The following SLC22A23 variants were observed in gnomAD, a reference collection of about 807,000 sequenced individuals.
The protein encoded by SLC22A23 is solute carrier family 22 member 23.
Under a neutral mutation model 61.0 loss-of-function variants are expected in SLC22A23, and 26 were observed. The observed-to-expected ratio is 0.43, with a 90% CI of 0.31 to 0.59. The LOEUF (loss-of-function observed/expected upper bound fraction) is 0.59, where lower values mean the gene tolerates loss of function less well. Ranked by LOEUF, SLC22A23 falls within the 20% of genes least tolerant of loss-of-function variation. The pLI, the probability that SLC22A23 is intolerant of heterozygous loss-of-function variation, is 0.11. For synonymous variants in SLC22A23, 430 were observed against 413.9 expected, an observed-to-expected ratio of 1.04 and a Z score of -0.47; for missense variants, 796 against 934.7, an observed-to-expected ratio of 0.85 and a Z score of 1.94.
intron 1 of SLC22A23, among the ~76,000 whole-genome samples, chr6:3,449,530 G>A (rs1772068707): frequency 6.6e-6 from 1 of 152,160 alleles, no homozygotes; most frequent in African/African-American, 2.4e-5. Flanking sequence ...ACTGTTCAAA[G>A]AACAGGAAAT....
chr6:3,407,291 G>T (rs1395004776), intron 3 of SLC22A23, among the ~76,000 whole-genome samples: 1 of 152,180 alleles, frequency 6.6e-6, no homozygotes, highest in East Asian at 1.9e-4. Context: ...ATACTACTGT[G>T]TATAAAATGC....
Position 3,317,404 on chromosome 6 carries a change from C to A in SLC22A23, c.1082+6430G>T, listed in dbSNP as rs1762704120. Among the ~76,000 whole-genome samples the A allele has an allele frequency of 6.6e-6, 1 of 152,212 alleles. No individual in the cohort carries two copies. Among genetic ancestry groups the A allele is most frequent in the African/African-American group, 2.4e-5 (1 of 41,452 alleles). ...CAGCTCTTGCACCCAGCTCCCTCTT[C>A]CATTCTGGCACCTCCTGCCACCTAT... is the stretch of plus-strand genomic sequence containing the variant. On this transcript the variant is annotated intron_variant, in intron 4 of 9. Transcript: ENST00000406686. This position sits in a 1 kb window ranked among gnomAD's most constrained non-coding sequence, Gnocchi z 4.4.
chr6:3,295,604 C>T lies in SLC22A23; in HGVS notation c.1210+2487G>A, dbSNP rs534311810. 5.3e-5 allele frequency among the ~76,000 whole-genome samples: 8 copies of T among 152,254 alleles called. No homozygotes were observed. In the East Asian group the frequency reaches 9.6e-4, roughly 18 times the overall value. Reference sequence around the variant, plus strand: ...GCGAGAGGGTGACAGACACGAGGCTCGGAGCAGGTGTTGGCTGTGGGATTA... The same window carrying T: ...GCGAGAGGGTGACAGACACGAGGCTTGGAGCAGGTGTTGGCTGTGGGATTA... On this transcript the variant is annotated intron_variant, in intron 5 of 9. Coordinates refer to ENST00000406686, the MANE Select transcript of SLC22A23 (RefSeq NM_015482.2).
intron 3 of SLC22A23, among the ~76,000 whole-genome samples, chr6:3,345,840 C>A (rs1764403002): frequency 6.6e-6 from 1 of 152,198 alleles, no homozygotes; most frequent in Admixed American, 6.5e-5. Context: ...GTAGAACTGG[C>A]CTACCTGCTG....
rs1763347475 is a variant in SLC22A23, at chr6:3,327,422, A to C, written c.914-3420T>G. Among the ~76,000 whole-genome samples, 1 of 152,262 alleles carries C rather than the reference A, an allele frequency of 6.6e-6. No individual in the cohort carries two copies. Among genetic ancestry groups the C allele is most frequent in the African/African-American group, 2.4e-5 (1 of 41,478 alleles). On this transcript the variant is annotated intron_variant, in intron 3 of 9. Coordinates refer to ENST00000406686, the MANE Select transcript of SLC22A23 (RefSeq NM_015482.2). This position sits in a 1 kb window ranked among gnomAD's most constrained non-coding sequence, Gnocchi z 4.1. ...ATGGGCAGCCAGACTCTCCCTGATT[A>C]TGTAAAACATTTAAGGGCCACAAGA...
At chr6:3,380,588 AC>A (rs1561939559) in intron 3 of SLC22A23, among the ~76,000 whole-genome samples, 1 of 152,092 alleles carries the variant, frequency 6.6e-6, no homozygotes, top group Non-Finnish European at 1.5e-5. Flanking sequence ...AAAACTCTAT[AC>A]ACCCAAAGTC....
chr6:3,283,826 C>T (rs771734733), intron 9 of SLC22A23, 26 bp downstream of exon 9: 2 of 1,612,776 alleles, frequency 1.2e-6, no homozygotes, highest in Non-Finnish European at 8.5e-7. Context: ...AAGCCGGCGT[C>T]CCCTGGGGTG....
In SLC22A23 at chr6:3,456,641, A is replaced by G; in HGVS notation, c.-82T>C. The stretch of plus-strand genomic sequence containing the variant: ...CGCCCCGGGCACAGCGCGCCGGGCC[A>G]GGCGCCTGCAGCCGCTGCCGCCGAG... On this transcript the variant is annotated 5_prime_UTR_variant, in exon 1 of 10. Coordinates refer to ENST00000406686, the MANE Select transcript of SLC22A23 (RefSeq NM_015482.2). This position sits in a 1 kb window ranked among gnomAD's most constrained non-coding sequence, Gnocchi z 7.1. 1.1e-6 allele frequency: 1 copy of G among 886,552 alleles called. No homozygotes were observed. The highest frequency in any genetic ancestry group is 1.3e-6 in the Non-Finnish European group (1 of 742,908). 54.9% of individuals were successfully genotyped at this position (886,552 alleles called of 1,614,324 possible). A position where few individuals can be genotyped will look rare whatever the true frequency, so the allele number is the denominator to read the frequency against.
intron 3 of SLC22A23, among the ~76,000 whole-genome samples, chr6:3,396,503 C>T (rs368843407): frequency 4.3e-4 from 66 of 152,240 alleles, no homozygotes; most frequent in African/African-American, 1.4e-3. Flanking sequence ...GAGCCAAGAT[C>T]GCGCCACTGC....
chr6:3,330,638 C>A lies in SLC22A23; in HGVS notation c.914-6636G>T, dbSNP rs1224107098. On this transcript the variant is annotated intron_variant, in intron 3 of 9. Coordinates refer to ENST00000406686, the MANE Select transcript of SLC22A23 (RefSeq NM_015482.2). This position sits in a 1 kb window ranked among gnomAD's most constrained non-coding sequence, Gnocchi z 4.7. ...GTGATTGTGGAATTCCTTATTATAG[C>A]AGAAGGGCCTGAAATTGCCAGTCAT... 6.6e-6 allele frequency among the ~76,000 whole-genome samples: 1 copy of A among 152,190 alleles called. No homozygotes were observed. The highest frequency in any genetic ancestry group is 2.4e-5 in the African/African-American group (1 of 41,446).
At chr6:3,375,149 T>C (rs1766477205) in intron 3 of SLC22A23, among the ~76,000 whole-genome samples, 2 of 151,842 alleles carry the variant, frequency 1.3e-5, no homozygotes, top group Admixed American at 1.3e-4. Flanking sequence ...AGACTTCAAA[T>C]GACAACAAGC....
At chr6:3,444,681 CCTCT>C in intron 1 of SLC22A23, 1 of 598,640 alleles carries the variant, frequency 1.7e-6, no homozygotes, top group Non-Finnish European at 2.1e-6. Context: ...CTGATCCCGG[CCTCT>C]CTCTGAGCCC....
rs1763692966 is a variant in SLC22A23 at position 3,333,547 on chromosome 6, C to T, written c.914-9545G>A. Reference sequence around the variant, plus strand: ...AAGCACACCCCCCTTCTGGGCTGTGCACTCCCCGTCTGTCCTCCCCAGGGA... The same window carrying T: ...AAGCACACCCCCCTTCTGGGCTGTGTACTCCCCGTCTGTCCTCCCCAGGGA... On this transcript the variant is annotated intron_variant, in intron 3 of 9. Coordinates refer to ENST00000406686, the MANE Select transcript of SLC22A23 (RefSeq NM_015482.2). This position sits in a 1 kb window ranked among gnomAD's most constrained non-coding sequence, Gnocchi z 4.1. Among the ~76,000 whole-genome samples the T allele has an allele frequency of 3.3e-5, 5 of 152,318 alleles. No individual in the cohort carries two copies. In the South Asian group the frequency reaches 8.3e-4, roughly 25 times the overall value.
At position 3,270,099 on chromosome 6, in the gene SLC22A23, T is replaced by A. The variant is rs1214362036; in HGVS notation, c.*2956A>T. ...CAAAGTGAAGAAATGTTCAGCTCCA[T>A]CTCAGGTGTTCACATTTGTGCATAA... On this transcript the variant is annotated 3_prime_UTR_variant, in exon 10 of 10. Coordinates refer to ENST00000406686, the MANE Select transcript of SLC22A23 (RefSeq NM_015482.2). 1 of 152,366 alleles carries A rather than the reference T, an allele frequency of 6.6e-6. No individual in the cohort carries two copies. The highest frequency in any genetic ancestry group is 6.5e-5 in the Admixed American group (1 of 15,286). The allele number at this position is 152,366 out of a possible 1,614,324, so 9.4% of individuals were successfully genotyped here. A position where few individuals can be genotyped will look rare whatever the true frequency, so the allele number is the denominator to read the frequency against.
chr6:3,324,709 A>G lies in SLC22A23; in HGVS notation c.914-707T>C, dbSNP rs144418829. ...TGGGCCACTGCAACACGGGTGAGTC[A>G]TGCATCCTTTCTCTGTCTCTATTGG... On this transcript the variant is annotated intron_variant, in intron 3 of 9. Coordinates refer to ENST00000406686, the MANE Select transcript of SLC22A23 (RefSeq NM_015482.2). This position sits in a 1 kb window ranked among gnomAD's most constrained non-coding sequence, Gnocchi z 4.3. Among the ~76,000 whole-genome samples the G allele has an allele frequency of 5.0e-3, 756 of 152,354 alleles. 6 individuals carry two copies. Among genetic ancestry groups the G allele is most frequent in the African/African-American group, 0.017 (699 of 41,576 alleles).
chr6:3,289,393 C>T (rs914993728), intron 6 of SLC22A23, among the ~76,000 whole-genome samples: 1 of 152,250 alleles, frequency 6.6e-6, no homozygotes, highest in Admixed American at 6.5e-5. Context: ...CGGCTACAGG[C>T]AGGGGCCAAG....
rs574879494 is a variant in SLC22A23 at position 3,322,761 on chromosome 6, C to T, written c.1082+1073G>A. Reference sequence around the variant, plus strand: ...AAAAGGTAGGTGCTTTCTTCCCTCCCGGGCACCTGAGCAAAGGAAGCTCAG... The same window carrying T: ...AAAAGGTAGGTGCTTTCTTCCCTCCTGGGCACCTGAGCAAAGGAAGCTCAG... On this transcript the variant is annotated intron_variant, in intron 4 of 9. Coordinates refer to ENST00000406686, the MANE Select transcript of SLC22A23 (RefSeq NM_015482.2). The surrounding 1 kb of genome is among the most constrained non-coding windows in gnomAD (Gnocchi z 4.1). 1.8e-4 allele frequency among the ~76,000 whole-genome samples: 28 copies of T among 152,272 alleles called. No individual in the cohort carries two copies. The highest frequency in any genetic ancestry group is 5.9e-4 in the Admixed American group (9 of 15,296).
At position 3,329,520 on chromosome 6, in the gene SLC22A23, G is replaced by A. The variant is rs866880845; in HGVS notation, c.914-5518C>T. Among the ~76,000 whole-genome samples the A allele has an allele frequency of 3.9e-5, 6 of 152,168 alleles. No individual in the cohort carries two copies. Among genetic ancestry groups the A allele is most frequent in the African/African-American group, 1.2e-4 (5 of 41,422 alleles). ...GACAGGAATTCACAGAATTGTGCCC[G>A]CGGAACAAAGCGTGCCATGCAGGGT... is the stretch of plus-strand genomic sequence containing the variant. On this transcript the variant is annotated intron_variant, in intron 3 of 9. Transcript: ENST00000406686. The surrounding 1 kb of genome is among the most constrained non-coding windows in gnomAD (Gnocchi z 4.8).
intron 1 of SLC22A23, chr6:3,445,048 G>C: frequency 2.2e-6 from 2 of 895,172 alleles, no homozygotes; most frequent in Non-Finnish European, 2.7e-6. Flanking sequence ...GCTTCCCAGT[G>C]TTCTGCGTCT....
Sources: gnomAD v4.1 joint callset for allele counts (sites outside exome capture counted in the v4.1 genomes callset) on GRCh38, gnomAD v4.1.1 for gene constraint, Gnocchi (gnomAD v3.1) non-coding constraint, MANE v1.5 for transcripts, NCBI Gene and HGNC (gene_info 2026-07-23, HGNC 2026-07-21) for gene names.